The following SNAP91 variants were observed in gnomAD, a reference collection of about 807,000 sequenced individuals.
SNAP91 encodes clathrin coat assembly protein AP180.
A neutral mutation model predicts 100.3 loss-of-function variants in SNAP91; 27 were observed. That is an observed-to-expected ratio of 0.27 (90% CI 0.20 to 0.37). SNAP91 has a LOEUF of 0.37. Ranked by LOEUF, SNAP91 falls within the 10% of genes least tolerant of loss-of-function variation. The pLI is 1.00. For synonymous variants in SNAP91, 404 were observed against 398.6 expected, an observed-to-expected ratio of 1.01 and a Z score of -0.16; for missense variants, 986 against 1,123.7, an observed-to-expected ratio of 0.88 and a Z score of 1.75.
intron 2 of SNAP91, among the ~76,000 whole-genome samples, chr6:83,701,232 A>G (rs1330581434): frequency 1.3e-5 from 2 of 152,154 alleles, no homozygotes; most frequent in East Asian, 1.9e-4. Flanking sequence ...TTAAATGGAG[A>G]TACTTGAAAA....
chr6:83,612,633 T>A (rs2096210640), intron 11 of SNAP91, among the ~76,000 whole-genome samples: 1 of 151,962 alleles, frequency 6.6e-6, no homozygotes, highest in African/African-American at 2.4e-5. Flanking sequence ...CCCAGCACTT[T>A]GGGAGGTAAA....
chr6:83,674,635 A>G (rs376265200), intron 2 of SNAP91, among the ~76,000 whole-genome samples: 10 of 152,080 alleles, frequency 6.6e-5, no homozygotes, highest in African/African-American at 9.7e-5. Context: ...CAAGGCTTCT[A>G]TGCTTTCAAA....
chr6:83,648,381 GT>G lies in SNAP91; in HGVS notation c.659-7180del, dbSNP rs143847371. 7.0e-3 allele frequency among the ~76,000 whole-genome samples: 1,025 copies of G among 147,454 alleles called. 10 individuals are homozygous for G. Among genetic ancestry groups the G allele is most frequent in the African/African-American group, 0.023 (926 of 40,374 alleles). Reference sequence around the variant, plus strand: ...TTAATGAATATTTAGTTTCTTTATGGTTTTTTTTTTCTATTATGAACATTTT... The same window carrying G: ...TTAATGAATATTTAGTTTCTTTATGGTTTTTTTTTCTATTATGAACATTTT... On this transcript the variant is annotated intron_variant, in intron 7 of 29. Transcript: ENST00000369694.
At chr6:83,581,608 C>T (rs1828637171) in intron 23 of SNAP91, among the ~76,000 whole-genome samples, 1 of 152,202 alleles carries the variant, frequency 6.6e-6, no homozygotes, top group Non-Finnish European at 1.5e-5. Context: ...CAACTAGGCA[C>T]TGGCAATAGA....
intron 23 of SNAP91, among the ~76,000 whole-genome samples, 166 bp downstream of exon 23, chr6:83,582,056 A>T (rs1348233721): frequency 6.6e-6 from 1 of 150,928 alleles, no homozygotes; most frequent in Non-Finnish European, 1.5e-5. Context: ...GTGTACTATA[A>T]ATTTTAATTT....
chr6:83,702,610 A>G (rs1447051040), intron 2 of SNAP91, among the ~76,000 whole-genome samples: 1 of 152,100 alleles, frequency 6.6e-6, no homozygotes. Flanking sequence ...ATTTTTCCAT[A>G]TCAACATTTT....
chr6:83,592,408 T>C (rs755102090), intron 21 of SNAP91, 47 bp downstream of exon 21: 3 of 1,268,042 alleles, frequency 2.4e-6, no homozygotes. Flanking sequence ...AAAATTATTC[T>C]GAAGAAAAAA....
At chr6:83,661,725 G>C (rs566925919) in intron 4 of SNAP91, 121 bp from the exon 5 acceptor site, 88 of 482,608 alleles carry the variant, frequency 1.8e-4, no homozygotes, top group African/African-American at 1.7e-3. Flanking sequence ...GTCAATAACT[G>C]TATCAGATAG....
At chr6:83,627,996 C>A (rs570200103) in intron 8 of SNAP91, among the ~76,000 whole-genome samples, 4 of 151,670 alleles carry the variant, frequency 2.6e-5, no homozygotes, top group African/African-American at 7.2e-5. Context: ...GTCTTTATCC[C>A]TCACCCTCTT....
intron 5 of SNAP91, among the ~76,000 whole-genome samples, chr6:83,660,879 A>G (rs772407036): frequency 1.3e-5 from 2 of 151,904 alleles, no homozygotes; most frequent in Non-Finnish European, 2.9e-5. Flanking sequence ...CCTAGGATCA[A>G]GCAATCCTCC....
chr6:83,649,731 C>T (rs2098116404), intron 7 of SNAP91, among the ~76,000 whole-genome samples: 2 of 151,834 alleles, frequency 1.3e-5, no homozygotes, highest in African/African-American at 2.4e-5. Context: ...TAGACATGAG[C>T]CACCATGCCT....
chr6:83,595,257 A>T (rs1406860901), intron 16 of SNAP91, among the ~76,000 whole-genome samples: 1 of 152,250 alleles, frequency 6.6e-6, no homozygotes, highest in Non-Finnish European at 1.5e-5. Context: ...TTTTAAAGAC[A>T]TAAAGAGATA....
chr6:83,601,649 T>A (rs1030770042), intron 14 of SNAP91, 50 bp from the exon 15 acceptor site: 10 of 1,582,662 alleles, frequency 6.3e-6, no homozygotes, highest in Non-Finnish European at 8.7e-6. Context: ...GAGCTAAAGT[T>A]GAAACATGCA....
intron 24 of SNAP91, among the ~76,000 whole-genome samples, chr6:83,579,105 A>T (rs1028587188): frequency 6.6e-6 from 1 of 152,072 alleles, no homozygotes; most frequent in Non-Finnish European, 1.5e-5. Context: ...GTCTATCCTT[A>T]TTCCAGTACC....
At chr6:83,704,940 C>T (rs1298220283) in intron 2 of SNAP91, among the ~76,000 whole-genome samples, 1 of 152,136 alleles carries the variant, frequency 6.6e-6, no homozygotes, top group African/African-American at 2.4e-5. Flanking sequence ...GTTTTAATAA[C>T]AATTCACTTT....
At chr6:83,671,555 T>C (rs2098786664) in intron 2 of SNAP91, among the ~76,000 whole-genome samples, 1 of 152,104 alleles carries the variant, frequency 6.6e-6, no homozygotes, top group Non-Finnish European at 1.5e-5. Context: ...CTCACTCTGT[T>C]ACTTGTTACC....
At chr6:83,607,673 A>C in intron 13 of SNAP91, 26 bp downstream of exon 13, 1 of 1,353,308 alleles carries the variant, frequency 7.4e-7, no homozygotes, top group Non-Finnish European at 1.0e-6. Context: ...ATTAATAAAC[A>C]GTTAACTGCA....
intron 2 of SNAP91, among the ~76,000 whole-genome samples, chr6:83,668,631 G>T (rs1331307223): frequency 6.6e-6 from 1 of 152,116 alleles, no homozygotes; most frequent in Non-Finnish European, 1.5e-5. Context: ...ATTGAAGAAT[G>T]AGAACACATG....
chr6:83,628,247 C>T (rs1235358473), intron 8 of SNAP91, among the ~76,000 whole-genome samples: 1 of 92,278 alleles, frequency 1.1e-5, no homozygotes, highest in Non-Finnish European at 2.2e-5. Context: ...ATATATATAT[C>T]ACAGTTTATT....
Sources: gnomAD v4.1 joint callset for allele counts (sites outside exome capture counted in the v4.1 genomes callset) on GRCh38, gnomAD v4.1.1 for gene constraint, MANE v1.5 for transcripts, NCBI Gene and HGNC (gene_info 2026-07-23, HGNC 2026-07-21) for gene names.